The following USP32 variants were observed in gnomAD, a reference collection of about 807,000 sequenced individuals.
The protein encoded by USP32 is ubiquitin specific peptidase 32.
Under a neutral mutation model 204.8 loss-of-function variants are expected in USP32, and 59 were observed. That is an observed-to-expected ratio of 0.29 (90% CI 0.23 to 0.36). The LOEUF is 0.36. Ranked by LOEUF, USP32 falls within the 10% of genes least tolerant of loss-of-function variation. USP32 has a pLI of 1.00. For missense variants in USP32, 1,160 were observed against 1,946.4 expected (o/e 0.60, Z 7.60); for synonymous variants, 517 against 678.4 (o/e 0.76, Z 3.70).
chr17:60,413,342 A>G (rs2090033115), intron 1 of USP32, among the ~76,000 whole-genome samples: 2 of 152,168 alleles, frequency 1.3e-5, no homozygotes, highest in Non-Finnish European at 2.9e-5. Flanking sequence ...AGGGTGCCAA[A>G]CAAGGAGAGC....
intron 1 of USP32, among the ~76,000 whole-genome samples, chr17:60,377,302 A>G (rs2089565041): frequency 6.6e-6 from 1 of 152,244 alleles, no homozygotes; most frequent in African/African-American, 2.4e-5. Context: ...TCTGCAAAAA[A>G]TAATAAAAAA....
intron 13 of USP32, among the ~76,000 whole-genome samples, chr17:60,224,290 C>T (rs1432146480): frequency 6.6e-6 from 1 of 152,118 alleles, no homozygotes; most frequent in Non-Finnish European, 1.5e-5. Context: ...AAGCACATAC[C>T]AAACAGGATC....
chr17:60,320,239 G>A (rs1186545757), intron 2 of USP32, among the ~76,000 whole-genome samples: 1 of 151,992 alleles, frequency 6.6e-6, no homozygotes, highest in East Asian at 1.9e-4. Flanking sequence ...AAGTTCCTGA[G>A]GTATGTTTCT....
At chr17:60,339,279 A>AT (rs2088598608) in intron 2 of USP32, among the ~76,000 whole-genome samples, 1 of 152,108 alleles carries the variant, frequency 6.6e-6, no homozygotes, top group South Asian at 2.1e-4. Flanking sequence ...AGATATGCAC[A>AT]TAAGTGCTAA....
intron 1 of USP32, among the ~76,000 whole-genome samples, chr17:60,419,464 C>T (rs1436608534): frequency 6.6e-6 from 1 of 152,030 alleles, no homozygotes; most frequent in Non-Finnish European, 1.5e-5. Flanking sequence ...AGGCTGGGCA[C>T]GGTGGCTCAT....
chr17:60,321,737 T>A (rs990426851), intron 2 of USP32, among the ~76,000 whole-genome samples: 4 of 152,138 alleles, frequency 2.6e-5, no homozygotes, highest in Non-Finnish European at 4.4e-5. Flanking sequence ...AACAAAAAAA[T>A]TTTAAGCCAC....
intron 11 of USP32, chr17:60,249,862 T>TC: frequency 1.8e-6 from 1 of 554,152 alleles, no homozygotes; most frequent in Non-Finnish European, 3.3e-6. Context: ...TTTTTTTTTT[T>TC]AACAACGTAC....
chr17:60,180,983 GGT>G (rs1198898354), intron 32 of USP32, among the ~76,000 whole-genome samples: 4 of 151,828 alleles, frequency 2.6e-5, no homozygotes, highest in Non-Finnish European at 5.9e-5. Flanking sequence ...CCTGGGCTCA[GGT>G]GATCCTTCTG....
At chr17:60,392,384 GCATCGTCC>G (rs1200860328), upstream of USP32, 1 of 261,828 alleles carries the variant, frequency 3.8e-6, no homozygotes, top group Non-Finnish European at 7.6e-6. Context: ...CGCACGTAAC[GCATCGTCC>G]CATCTTCCCG....
At chr17:60,388,035 G>A (rs1404278475) in intron 1 of USP32, among the ~76,000 whole-genome samples, 1 of 151,950 alleles carries the variant, frequency 6.6e-6, no homozygotes, top group Non-Finnish European at 1.5e-5. Context: ...CTAGAGAGAG[G>A]GGTCTTGGTT....
At chr17:60,285,933 T>A (rs1240822289) in intron 5 of USP32, among the ~76,000 whole-genome samples, 1 of 151,918 alleles carries the variant, frequency 6.6e-6, no homozygotes, top group Non-Finnish European at 1.5e-5. Flanking sequence ...GGTCAGGAGT[T>A]CAAGACCAGC....
chr17:60,345,614 A>G lies in USP32; in HGVS notation c.59-6T>C, dbSNP rs2088767053. 2 of 1,614,014 alleles carry G rather than the reference A, an allele frequency of 1.2e-6. No individual in the cohort carries two copies. Among genetic ancestry groups the G allele is most frequent in the Non-Finnish European group, 1.7e-6 (2 of 1,179,908 alleles). ...TTTTAGCTCTACATCTGTAACTGCA[A>G]TTCAGAAACAGAAGATGGGTAAGAA... On this transcript the variant is annotated splice_polypyrimidine_tract_variant and splice_region_variant and intron_variant, in intron 1 of 33. Coordinates refer to ENST00000300896, the MANE Select transcript of USP32 (RefSeq NM_032582.4).
At chr17:60,362,318 A>G (rs1215538829) in intron 1 of USP32, among the ~76,000 whole-genome samples, 3 of 152,258 alleles carry the variant, frequency 2.0e-5, no homozygotes, top group African/African-American at 7.2e-5. Flanking sequence ...CTCTTTGTCC[A>G]TGAATCAACC....
At chr17:60,261,560 C>G (rs1391601011) in intron 9 of USP32, among the ~76,000 whole-genome samples, 1 of 151,974 alleles carries the variant, frequency 6.6e-6, no homozygotes, top group Non-Finnish European at 1.5e-5. Flanking sequence ...GCAGGAGCAT[C>G]ACTTGAACCC....
chr17:60,286,066 G>T (rs925756650), intron 5 of USP32, among the ~76,000 whole-genome samples: 1 of 151,554 alleles, frequency 6.6e-6, no homozygotes, highest in Non-Finnish European at 1.5e-5. Flanking sequence ...AATCCAGGAG[G>T]CGGAGGCTGC....
chr17:60,293,435 C>A (rs1338578716), intron 4 of USP32, among the ~76,000 whole-genome samples: 3 of 152,038 alleles, frequency 2.0e-5, no homozygotes, highest in African/African-American at 7.2e-5. Context: ...AAAAAACAAA[C>A]AAATCATAGC....
intron 16 of USP32, among the ~76,000 whole-genome samples, 181 bp from the exon 17 acceptor site, chr17:60,214,955 TTTTG>T (rs113909630): frequency 2.0e-3 from 304 of 151,810 alleles, no homozygotes; most frequent in African/African-American, 5.6e-3. Flanking sequence ...CCCAAGTTCT[TTTTG>T]TTTGTTTGTT....
Position 60,223,562 on chromosome 17 carries a change from C to G in USP32, c.1457G>C (p.Gly486Ala), listed in dbSNP as rs1452792443. ...GSGFLYSATP[G>A]ADVCFARQHN... ...TTGTCGAGCAAAGCAAACATCTGCCCCTGGTGTGGCAGAATACAGAAAGCC... is the reference window on the plus strand; with the variant it reads ...TTGTCGAGCAAAGCAAACATCTGCCGCTGGTGTGGCAGAATACAGAAAGCC... The change falls in exon 14 of 34, where the codon GGG (glycine) becomes GCG (alanine). Residue 486 changes from glycine (G) to alanine (A), a missense_variant. By Grantham distance (60) the Gly-to-Ala change is moderately conservative. Transcript: ENST00000300896. 2 of 1,602,974 alleles carry G rather than the reference C, an allele frequency of 1.2e-6. No individual in the cohort carries two copies. The highest frequency in any genetic ancestry group is 1.1e-5 in the South Asian group (1 of 87,722).
At chr17:60,277,773 T>C (rs958376309) in intron 5 of USP32, among the ~76,000 whole-genome samples, 1 of 152,200 alleles carries the variant, frequency 6.6e-6, no homozygotes, top group Non-Finnish European at 1.5e-5. Context: ...CTGAATACAT[T>C]ATGATACATT....
Sources: allele counts gnomAD v4.1 joint callset (sites outside exome capture counted in the v4.1 genomes callset), GRCh38; gene constraint gnomAD v4.1.1; transcripts MANE v1.5; gene names NCBI Gene and HGNC (gene_info 2026-07-23, HGNC 2026-07-21).